The following CYP7B1 variants were observed in gnomAD, a reference collection of about 807,000 sequenced individuals.
CYP7B1 encodes the protein cytochrome P450 7B1.
In CYP7B1, 29 loss-of-function variants were observed where a neutral mutation model predicts 42.7. The observed-to-expected ratio is 0.68, with a 90% CI of 0.51 to 0.93. CYP7B1 has a LOEUF of 0.93. CYP7B1 is among the 40% of genes least tolerant of loss of function. CYP7B1 has a pLI of 0.00. For missense variants in CYP7B1, 655 were observed against 600.5 expected (o/e 1.09, Z -0.95); for synonymous variants, 235 against 218.2 (o/e 1.08, Z -0.68).
intron 1 of CYP7B1, among the ~76,000 whole-genome samples, chr8:64,749,136 A>C (rs980734589): frequency 2.7e-5 from 4 of 150,776 alleles, no homozygotes; most frequent in East Asian, 2.0e-4. Flanking sequence ...GCTGGAGTGC[A>C]GTGGTGTGAT....
chr8:64,631,661 A>G (rs922658781), intron 1 of CYP7B1, among the ~76,000 whole-genome samples: 2 of 152,192 alleles, frequency 1.3e-5, no homozygotes, highest in African/African-American at 4.8e-5. Context: ...ATATTTGTGA[A>G]CCACATATTT....
chr8:64,620,511 G>A lies in CYP7B1; in HGVS notation c.259+3892C>T, dbSNP rs541509031. 7.2e-5 allele frequency among the ~76,000 whole-genome samples: 11 copies of A among 152,222 alleles called. No individual in the cohort carries two copies. In the East Asian group the frequency reaches 2.1e-3, roughly 29 times the overall value. On this transcript the variant is annotated intron_variant, in intron 2 of 5. Coordinates refer to ENST00000310193, the MANE Select transcript of CYP7B1 (RefSeq NM_004820.5). ...CTGCGACAGGTCAAGAATTTACATG[G>A]TTTCTCATGAAAAGATGTACTTTTT...
intron 3 of CYP7B1, 106 bp from the exon 4 acceptor site, chr8:64,615,338 A>C (rs1805421747): frequency 9.0e-7 from 1 of 1,117,152 alleles, no homozygotes; most frequent in Non-Finnish European, 1.3e-6. Flanking sequence ...GCCAAGGATC[A>C]GTGCATGCTA....
chr8:64,664,393 G>A (rs775984822), intron 1 of CYP7B1, among the ~76,000 whole-genome samples: 4 of 152,118 alleles, frequency 2.6e-5, no homozygotes, highest in Admixed American at 6.5e-5. Flanking sequence ...GTCAGACATT[G>A]TGCTAAGTGC....
Position 64,604,841 on chromosome 8 carries a change from T to C in CYP7B1, c.1074A>G (p.Glu358=). The stretch of plus-strand genomic sequence containing the variant: ...TTGAATATGAGGACAGTCGTAAAGC[T>C]TCAAAAATGCTGCTTTCTGAAGGAA... ...SLICLESSIF[E]ALRLSSYSTT... Residue 358 remains glutamate, a synonymous_variant, in exon 5 of 6, where the codon GAA becomes GAG. Transcript: ENST00000310193. 1 of 1,614,026 alleles carries C rather than the reference T, an allele frequency of 6.2e-7. No individual in the cohort carries two copies. Among genetic ancestry groups the C allele is most frequent in the African/African-American group, 1.3e-5 (1 of 75,048 alleles).
At chr8:64,727,000 T>A (rs1563406543) in intron 1 of CYP7B1, among the ~76,000 whole-genome samples, 1 of 152,098 alleles carries the variant, frequency 6.6e-6, no homozygotes, top group Admixed American at 6.5e-5. Flanking sequence ...GAGTATGGGA[T>A]GAAGGAGCAT....
At chr8:64,790,656 C>T (rs1295128359) in intron 1 of CYP7B1, among the ~76,000 whole-genome samples, 2 of 152,206 alleles carry the variant, frequency 1.3e-5, no homozygotes, top group Non-Finnish European at 2.9e-5. Flanking sequence ...AAACGTTTAA[C>T]TAACCATCAC....
At chr8:64,637,327 C>T (rs563131116) in intron 1 of CYP7B1, among the ~76,000 whole-genome samples, 1 of 152,194 alleles carries the variant, frequency 6.6e-6, no homozygotes, top group African/African-American at 2.4e-5. Flanking sequence ...AATATGTTAA[C>T]TCATGCCCAT....
rs531794377 is a variant in CYP7B1, at chr8:64,594,332, T to C, written c.*2310A>G. Among the ~76,000 whole-genome samples the C allele has an allele frequency of 6.6e-6, 1 of 152,268 alleles. No individual in the cohort carries two copies. The highest frequency in any genetic ancestry group is 1.9e-4 in the East Asian group (1 of 5,180). ...ATTGCTGTGCAGCAGTTAGAAGCAA[T>C]AGATTAAATATAGTAGTATACTATG... On this transcript the variant is annotated 3_prime_UTR_variant, in exon 6 of 6. Transcript: ENST00000310193.
At chr8:64,685,909 G>A (rs867421788) in intron 1 of CYP7B1, among the ~76,000 whole-genome samples, 2 of 35,160 alleles carry the variant, frequency 5.7e-5, no homozygotes, top group African/African-American at 1.4e-4. Context: ...CAGCCGTGCC[G>A]TCCGGGAGGG....
Position 64,624,655 on chromosome 8 carries a change from T to C in CYP7B1, c.123-116A>G, listed in dbSNP as rs966360390. ...GTGACTGCATGGATTGCACTGCTTC[T>C]TTCTATTCTCTTACTCAGTGATTCT... On this transcript the variant is annotated intron_variant, in intron 1 of 5. Transcript: ENST00000310193. 5 of 1,175,462 alleles carry C rather than the reference T, an allele frequency of 4.3e-6. No homozygotes were observed. In the African/African-American group the frequency reaches 7.7e-5, roughly 18 times the overall value. The allele number at this position is 1,175,462 out of a possible 1,614,324, so 72.8% of individuals were successfully genotyped here.
chr8:64,732,798 T>A lies in CYP7B1; in HGVS notation c.122+65668A>T, dbSNP rs573837845. On this transcript the variant is annotated intron_variant, in intron 1 of 5. Transcript: ENST00000310193. ...TGCTGTTCAAATAATACTGAGTGAG[T>A]TCTCAGGAGATCTAATGGCTTTTTA... 3.3e-5 allele frequency: 5 copies of A among 152,256 alleles called. No homozygotes were observed. In the South Asian group the frequency reaches 1.0e-3, roughly 32 times the overall value. 9.4% of individuals were successfully genotyped at this position (152,256 alleles called of 1,614,324 possible).
intron 1 of CYP7B1, among the ~76,000 whole-genome samples, chr8:64,645,407 T>G (rs1464605471): frequency 6.6e-6 from 1 of 152,036 alleles, no homozygotes; most frequent in Non-Finnish European, 1.5e-5. Context: ...TTTCTCCACA[T>G]CCTCTCCAGC....
intron 1 of CYP7B1, among the ~76,000 whole-genome samples, chr8:64,775,253 A>G (rs1354170496): frequency 6.6e-6 from 1 of 152,128 alleles, no homozygotes; most frequent in Admixed American, 6.6e-5. Context: ...GCATCTTGTG[A>G]TCCTTATACA....
chr8:64,619,915 G>C (rs2129630314), intron 2 of CYP7B1, among the ~76,000 whole-genome samples: 1 of 152,018 alleles, frequency 6.6e-6, no homozygotes, highest in African/African-American at 2.4e-5. Flanking sequence ...TTGGCTGCTT[G>C]GCATAGAAAT....
At chr8:64,649,477 A>G (rs1370367267) in intron 1 of CYP7B1, among the ~76,000 whole-genome samples, 1 of 152,156 alleles carries the variant, frequency 6.6e-6, no homozygotes, top group Non-Finnish European at 1.5e-5. Context: ...CATCTGGGTT[A>G]CCTCCACCTC....
At chr8:64,604,588 T>C in intron 5 of CYP7B1, 94 bp downstream of exon 5, 2 of 1,471,092 alleles carry the variant, frequency 1.4e-6, no homozygotes, top group Non-Finnish European at 1.9e-6. Context: ...AAACCCCTTC[T>C]GGACCAAAGT....
At chr8:64,650,706 A>G (rs1806025945) in intron 1 of CYP7B1, among the ~76,000 whole-genome samples, 1 of 152,230 alleles carries the variant, frequency 6.6e-6, no homozygotes, top group African/African-American at 2.4e-5. Flanking sequence ...CCTTTCTAAT[A>G]TAAGCCTGGC....
At chr8:64,780,689 C>T (rs1231229325) in intron 1 of CYP7B1, among the ~76,000 whole-genome samples, 1 of 152,142 alleles carries the variant, frequency 6.6e-6, no homozygotes, top group Non-Finnish European at 1.5e-5. Context: ...GAACAGTAAC[C>T]TGGAGTAGTT....
Sources: gnomAD v4.1 joint callset for allele counts (sites outside exome capture counted in the v4.1 genomes callset) on GRCh38, gnomAD v4.1.1 for gene constraint, MANE v1.5 for transcripts, NCBI Gene and HGNC (gene_info 2026-07-23, HGNC 2026-07-21) for gene names.